FBLN7: variants seen among roughly 807,000 people sequenced by gnomAD.
FBLN7 encodes the protein fibulin-7.
In FBLN7, 31 loss-of-function variants were observed where a neutral mutation model predicts 44.0. The ratio of observed to expected loss-of-function variants is 0.70; its 90% CI spans 0.53 to 0.95. The LOEUF (loss-of-function observed/expected upper bound fraction) is 0.95. FBLN7 is among the 40% of genes least tolerant of loss of function. FBLN7 has a pLI of 0.00. For missense variants in FBLN7, 573 were observed against 618.5 expected (o/e 0.93, Z 0.78); for synonymous variants, 262 against 253.4 (o/e 1.03, Z -0.32).
chr2:112,161,661 A>G (rs1005527791), intron 2 of FBLN7, among the ~76,000 whole-genome samples: 2 of 151,026 alleles, frequency 1.3e-5, no homozygotes, highest in East Asian at 1.9e-4. Flanking sequence ...TCCCCTGCCC[A>G]TGTGAGAGGG....
At chr2:112,153,827 C>T (rs879382410) in intron 1 of FBLN7, among the ~76,000 whole-genome samples, 8 of 152,168 alleles carry the variant, frequency 5.3e-5, no homozygotes, top group Non-Finnish European at 8.8e-5. Flanking sequence ...GTGGACCCGC[C>T]GGAGTAAACA....
chr2:112,187,583 G>A lies in FBLN7; in HGVS notation c.*77G>A, dbSNP rs1683335026. On this transcript the variant is annotated 3_prime_UTR_variant, in exon 8 of 8. Coordinates refer to ENST00000331203, the MANE Select transcript of FBLN7 (RefSeq NM_153214.3). This position sits in a 1 kb window ranked among gnomAD's most constrained non-coding sequence, Gnocchi z 5.1. ...GAAGGCTCAGCTTCGGGCACCGACT[G>A]CGTGGAGCCTCCCGCCTGTTCCCGC... 2.6e-6 allele frequency: 4 copies of A among 1,554,294 alleles called. No individual in the cohort carries two copies. Among genetic ancestry groups the A allele is most frequent in the Non-Finnish European group, 3.5e-6 (4 of 1,146,248 alleles).
the FBLN7 span, chr2:112,238,591 C>T: frequency 2.2e-6 from 3 of 1,377,056 alleles, no homozygotes; most frequent in Non-Finnish European, 3.0e-6. Flanking sequence ...TCTGGCTATA[C>T]AGAAGAAACA....
chr2:112,185,168 C>T (rs200923992), intron 6 of FBLN7, 33 bp from the exon 7 acceptor site: 74 of 1,594,770 alleles, frequency 4.6e-5, no homozygotes, highest in African/African-American at 1.3e-4. Flanking sequence ...AAGGTCAGGG[C>T]GATTCTCACC....
chr2:112,207,401 A>G, the FBLN7 span, among the ~76,000 whole-genome samples: 1 of 147,090 alleles, frequency 6.8e-6, no homozygotes, highest in East Asian at 2.0e-4. Flanking sequence ...CAGGAGGCAG[A>G]GGTTGTATTG....
chr2:112,171,495 C>A (rs569337733), intron 3 of FBLN7, among the ~76,000 whole-genome samples: 1 of 151,718 alleles, frequency 6.6e-6, no homozygotes, highest in Non-Finnish European at 1.5e-5. Flanking sequence ...GCCTTTCCCC[C>A]GAGACCTTTA....
chr2:112,200,061 C>T, the FBLN7 span, among the ~76,000 whole-genome samples: 1 of 152,194 alleles, frequency 6.6e-6, no homozygotes, highest in Non-Finnish European at 1.5e-5. Flanking sequence ...AGACACCCCC[C>T]ATATGCAACC....
At chr2:112,186,702 G>A (rs2104613095) in intron 7 of FBLN7, among the ~76,000 whole-genome samples, 1 of 152,322 alleles carries the variant, frequency 6.6e-6, no homozygotes, top group African/African-American at 2.4e-5. Context: ...CGTGTGGGAA[G>A]CACTGCATTA....
chr2:112,185,447 T>C, intron 7 of FBLN7, 108 bp downstream of exon 7: 2 of 1,431,786 alleles, frequency 1.4e-6, no homozygotes, highest in Middle Eastern at 2.3e-4. Context: ...CATAGAAAGA[T>C]GAGAGGCAGG....
At chr2:112,157,436 G>A (rs750212188) in intron 1 of FBLN7, among the ~76,000 whole-genome samples, 28 of 151,908 alleles carry the variant, frequency 1.8e-4, no homozygotes, top group Non-Finnish European at 3.8e-4. Flanking sequence ...AACCATCATC[G>A]TCTTGATGTG....
the FBLN7 span, among the ~76,000 whole-genome samples, chr2:112,208,744 C>T: frequency 5.9e-5 from 9 of 152,162 alleles, no homozygotes; most frequent in Non-Finnish European, 5.9e-5. Flanking sequence ...ATATTATCTA[C>T]ATGCTGATAA....
At chr2:112,227,799 A>C in the FBLN7 span, among the ~76,000 whole-genome samples, 3 of 151,564 alleles carry the variant, frequency 2.0e-5, no homozygotes, top group Non-Finnish European at 4.4e-5. Context: ...GAAAATTACA[A>C]AACTGAGAGA....
intron 3 of FBLN7, among the ~76,000 whole-genome samples, chr2:112,174,256 A>G (rs1370418825): frequency 6.6e-6 from 1 of 152,258 alleles, no homozygotes; most frequent in Non-Finnish European, 1.5e-5. Context: ...ACATTCCTGG[A>G]AACCGGTCTT....
chr2:112,203,517 G>A, the FBLN7 span, among the ~76,000 whole-genome samples: 2 of 152,080 alleles, frequency 1.3e-5, no homozygotes, highest in Non-Finnish European at 2.9e-5. Flanking sequence ...GATTTACAAA[G>A]TTGACAAATT....
chr2:112,153,880 G>A (rs1224350360), intron 1 of FBLN7, among the ~76,000 whole-genome samples: 5 of 152,174 alleles, frequency 3.3e-5, no homozygotes, highest in African/African-American at 4.8e-5. Context: ...AAGAATTCCC[G>A]GAGAAGGGCA....
chr2:112,242,184 C>T, the FBLN7 span, among the ~76,000 whole-genome samples: 6 of 152,192 alleles, frequency 3.9e-5, no homozygotes, highest in Admixed American at 2.6e-4. Flanking sequence ...CAGTGAACTA[C>T]AACCCAAGGG....
intron 3 of FBLN7, among the ~76,000 whole-genome samples, chr2:112,165,406 G>A (rs574896825): frequency 1.3e-5 from 2 of 152,228 alleles, no homozygotes; most frequent in East Asian, 3.9e-4. Context: ...TTTGCATATG[G>A]GGAAACTGAG....
Position 112,182,810 on chromosome 2 carries a change from C to T in FBLN7, c.690C>T (p.Leu230=). ...CTGCAGACGTGAACGAGTGTGAGCT[C>T]TACGGGCAGGAGGGGCGCCCCCGGC... ...SVCQDVNECE[L]YGQEGRPRLC... The change falls in exon 6 of 8, where the codon CTC becomes CTT. Residue 230 remains leucine (L), a synonymous_variant. Transcript: ENST00000331203. The T allele has an allele frequency of 1.2e-6, 2 of 1,608,942 alleles. No homozygotes were observed. Among genetic ancestry groups the T allele is most frequent in the Non-Finnish European group, 1.7e-6 (2 of 1,178,198 alleles).
chr2:112,221,433 C>T, the FBLN7 span, among the ~76,000 whole-genome samples: 2 of 152,178 alleles, frequency 1.3e-5, no homozygotes, highest in South Asian at 2.1e-4. Context: ...CCTGAGGCCT[C>T]CTCAGAAGCA....
Sources: gnomAD v4.1 joint callset for allele counts (sites outside exome capture counted in the v4.1 genomes callset) on GRCh38, gnomAD v4.1.1 for gene constraint, Gnocchi (gnomAD v3.1) non-coding constraint, MANE v1.5 for transcripts, NCBI Gene and HGNC (gene_info 2026-07-23, HGNC 2026-07-21) for gene names.